Variants in AP5M1 observed in about 807,000 individuals in gnomAD.
The protein encoded by AP5M1 is AP-5 complex subunit mu-1.
In AP5M1, 44 loss-of-function variants were observed where a neutral mutation model predicts 52.3. The observed-to-expected ratio is 0.84, with a 90% CI of 0.66 to 1.08. The LOEUF is 1.08. Ranked by LOEUF, AP5M1 falls within the 50% of genes least tolerant of loss-of-function variation. The pLI is 0.00. For synonymous variants in AP5M1, 213 were observed against 199.0 expected, an observed-to-expected ratio of 1.07 and a Z score of -0.59; for missense variants, 526 against 568.4, an observed-to-expected ratio of 0.93 and a Z score of 0.76.
rs538144687 is a variant in AP5M1, at chr14:57,269,320, G to A, written c.6G>A (p.Ala2=). 3 of 1,614,094 alleles carry A rather than the reference G, an allele frequency of 1.9e-6. No homozygotes were observed. Among genetic ancestry groups the A allele is most frequent in the South Asian group, 2.2e-5 (2 of 91,086 alleles). M[A]QRAVWLISHE... is the part of the protein sequence containing the mutation. Reference sequence around the variant, plus strand: ...AATGCTTTACTGACTTAACCATGGCGCAGCGGGCAGTGTGGCTCATAAGCC... The same window carrying A: ...AATGCTTTACTGACTTAACCATGGCACAGCGGGCAGTGTGGCTCATAAGCC... The change falls in exon 1 of 8, where the codon GCG becomes GCA. Residue 2 remains alanine (A), a synonymous_variant. Transcript: ENST00000261558.
chr14:57,288,808 A>T lies in AP5M1; in HGVS notation c.1397A>T (p.Lys466Ile). 6.3e-7 allele frequency: 1 copy of T among 1,580,110 alleles called. No individual in the cohort carries two copies. Among genetic ancestry groups the T allele is most frequent in the Non-Finnish European group, 8.7e-7 (1 of 1,154,380 alleles). The change falls in exon 8 of 8, where the codon AAA becomes ATA. Residue 466 changes from lysine (K) to isoleucine (I), a missense_variant. Lys to Ile is a moderately radical substitution (Grantham distance 102, BLOSUM62 -3). Coordinates refer to ENST00000261558, the MANE Select transcript of AP5M1 (RefSeq NM_018229.4). ...TTCTTTTTCTTTTCTTTAGACCGGA[A>T]ACTAATTTCTTCTGATTATTACATC... ...SGKPKISAHRKLISSDYYIWN... is the reference protein window; with the variant it reads ...SGKPKISAHRILISSDYYIWN...
At chr14:57,283,356 G>A (rs1039841578) in intron 6 of AP5M1, 126 bp downstream of exon 6, 4 of 633,762 alleles carry the variant, frequency 6.3e-6, no homozygotes, top group African/African-American at 5.7e-5. Context: ...TCTGGGATAA[G>A]TTCTCTTTTG....
intron 1 of AP5M1, chr14:57,273,590 A>G (rs1594697563): frequency 1.8e-6 from 1 of 562,260 alleles, no homozygotes; most frequent in Non-Finnish European, 3.2e-6. Context: ...AACTGCTTAC[A>G]GTTCAACTCA....
At position 57,287,520 on chromosome 14, in the gene AP5M1, T is replaced by C. The variant is rs539962740; in HGVS notation, c.1390+1201T>C. On this transcript the variant is annotated intron_variant, in intron 7 of 7. Coordinates refer to ENST00000261558, the MANE Select transcript of AP5M1 (RefSeq NM_018229.4). ...ACAGACCAGTATTTTAGATTGTCTA[T>C]GGGAAAATAATTTATTTATGTTAAC... Among the ~76,000 whole-genome samples the C allele has an allele frequency of 1.2e-3, 187 of 152,252 alleles. 1 individual carries two copies. The highest frequency in any genetic ancestry group is 4.3e-3 in the African/African-American group (180 of 41,578).
At chr14:57,288,695 T>A in intron 7 of AP5M1, 107 bp from the exon 8 acceptor site, 1 of 680,910 alleles carries the variant, frequency 1.5e-6, no homozygotes, top group Non-Finnish European at 2.6e-6. Flanking sequence ...TATTTCAAAG[T>A]ATTGACTTGA....
rs1477250235 is a variant in AP5M1, at chr14:57,269,266, C to T, written c.-49C>T. The T allele has an allele frequency of 3.2e-6, 5 of 1,574,334 alleles. No individual in the cohort carries two copies. Among genetic ancestry groups the T allele is most frequent in the Non-Finnish European group, 4.4e-6 (5 of 1,145,702 alleles). On this transcript the variant is annotated 5_prime_UTR_variant, in exon 1 of 8. Transcript: ENST00000261558. The stretch of plus-strand genomic sequence containing the variant: ...GAGAAAGCCGGTCTGCGCTGTTCCT[C>T]GGTGGCGACCTTAATTATGAGATGA...
At chr14:57,269,476 C>A in intron 1 of AP5M1, 88 bp downstream of exon 1, 1 of 1,320,032 alleles carries the variant, frequency 7.6e-7, no homozygotes, top group Non-Finnish European at 1.1e-6. Flanking sequence ...CCCAGGTTTG[C>A]CACGAATAGC....
At position 57,272,845 on chromosome 14, in the gene AP5M1, G is replaced by T. The variant is rs1292908561; in HGVS notation, c.75-1399G>T. Among the ~76,000 whole-genome samples, 3 of 152,252 alleles carry T rather than the reference G, an allele frequency of 2.0e-5. No homozygotes were observed. In the East Asian group the frequency reaches 5.8e-4, roughly 29 times the overall value. ...ATCAAGAAAATGCATCAGAATGTAG[G>T]TGATATTTACCTACACATGGGTAAC... On this transcript the variant is annotated intron_variant, in intron 1 of 7. Coordinates refer to ENST00000261558, the MANE Select transcript of AP5M1 (RefSeq NM_018229.4).
Position 57,291,900 on chromosome 14 carries a change from C to T in AP5M1, c.*3016C>T, listed in dbSNP as rs924594034. On this transcript the variant is annotated 3_prime_UTR_variant, in exon 8 of 8. Transcript: ENST00000261558. The stretch of plus-strand genomic sequence containing the variant: ...TCCAGGCCTTCTGTAGGGACTGCTG[C>T]CACAACAGAGTGGTTGTTCCTAAGA... The T allele has an allele frequency of 6.6e-6, 1 of 151,640 alleles. No individual in the cohort carries two copies. The highest frequency in any genetic ancestry group is 1.5e-5 in the Non-Finnish European group (1 of 67,744). The allele number at this position is 151,640 out of a possible 1,614,324, so 9.4% of individuals were successfully genotyped here.
In AP5M1 at chr14:57,294,500, C is replaced by A. The variant is rs1045290382; in HGVS notation, c.*5616C>A. On this transcript the variant is annotated 3_prime_UTR_variant, in exon 8 of 8. Transcript: ENST00000261558. The stretch of plus-strand genomic sequence containing the variant: ...AACCCTGTGATTTTTCTCTTTCATA[C>A]ACATAGCCTGCTTACACCCAATTTC... 5 of 151,876 alleles carry A rather than the reference C, an allele frequency of 3.3e-5. No individual in the cohort carries two copies. Among genetic ancestry groups the A allele is most frequent in the African/African-American group, 1.2e-4 (5 of 41,402 alleles). 9.4% of individuals were successfully genotyped at this position (151,876 alleles called of 1,614,324 possible).
chr14:57,291,505 T>G lies in AP5M1; in HGVS notation c.*2621T>G, dbSNP rs908462684. The G allele has an allele frequency of 5.3e-5, 8 of 152,018 alleles. No individual in the cohort carries two copies. The South Asian group carries it at 1.0e-3, about 20-fold the overall frequency. 9.4% of individuals were successfully genotyped at this position (152,018 alleles called of 1,614,324 possible). A position where few individuals can be genotyped will look rare whatever the true frequency, so the allele number is the denominator to read the frequency against. On this transcript the variant is annotated 3_prime_UTR_variant, in exon 8 of 8. Coordinates refer to ENST00000261558, the MANE Select transcript of AP5M1 (RefSeq NM_018229.4). The stretch of plus-strand genomic sequence containing the variant: ...CTTTTTAGAGCCAGCAATATAGTAC[T>G]TAGGCAATACCCTTACGGTGGTGGC...
chr14:57,273,196 T>C (rs111526911), intron 1 of AP5M1, among the ~76,000 whole-genome samples: 2,288 of 152,258 alleles, frequency 0.015, 65 homozygotes, highest in African/African-American at 0.052. Context: ...CACCTCAGCT[T>C]TCTGAAGTGC....
rs899638622 is a variant in AP5M1, at chr14:57,290,540, T to C, written c.*1656T>C. The C allele has an allele frequency of 3.9e-5, 6 of 151,968 alleles. No individual in the cohort carries two copies. Among genetic ancestry groups the C allele is most frequent in the African/African-American group, 7.2e-5 (3 of 41,422 alleles). The allele number at this position is 151,968 out of a possible 1,614,324, so 9.4% of individuals were successfully genotyped here. Reference sequence around the variant, plus strand: ...CACTAAGGTAAGCAAGAGGCATTTATCTAGTGAGTAGGCAAAGATTTAATA... The same window carrying C: ...CACTAAGGTAAGCAAGAGGCATTTACCTAGTGAGTAGGCAAAGATTTAATA... On this transcript the variant is annotated 3_prime_UTR_variant, in exon 8 of 8. Transcript: ENST00000261558.
Position 57,296,336 on chromosome 14 carries a change from TCA to T in AP5M1, c.*7455_*7456del, listed in dbSNP as rs1025459475. The T allele has an allele frequency of 2.6e-5, 4 of 152,040 alleles. No homozygotes were observed. The highest frequency in any genetic ancestry group is 4.4e-5 in the Non-Finnish European group (3 of 67,962). 9.4% of individuals were successfully genotyped at this position (152,040 alleles called of 1,614,324 possible). Reference sequence around the variant, plus strand: ...CATTTCAACCTAAAAATGGTATCTATCACAGTTATCAAAGATTACCCCTTGCT... The same window carrying T: ...CATTTCAACCTAAAAATGGTATCTATCAGTTATCAAAGATTACCCCTTGCT... On this transcript the variant is annotated 3_prime_UTR_variant, in exon 8 of 8. Transcript: ENST00000261558.
At chr14:57,279,296 TA>T (rs1885116331) in intron 2 of AP5M1, among the ~76,000 whole-genome samples, 1 of 152,148 alleles carries the variant, frequency 6.6e-6, no homozygotes, top group Admixed American at 6.6e-5. Flanking sequence ...CTATCAGTGA[TA>T]GACTGAATAA....
rs183089608 is a variant in AP5M1, at chr14:57,281,907, C to T, written c.949-182C>T. ...GTACACCTTTGTAAAGCGCTTTTCT[C>T]ATCTCCGAAAACAAAGAGAGAAGAA... On this transcript the variant is annotated intron_variant, in intron 3 of 7. Transcript: ENST00000261558. Among the ~76,000 whole-genome samples, 143 of 152,310 alleles carry T rather than the reference C, an allele frequency of 9.4e-4. 1 individual carries two copies. Among genetic ancestry groups the T allele is most frequent in the African/African-American group, 3.2e-3 (135 of 41,572 alleles).
chr14:57,269,308 CTT>C lies in AP5M1; in HGVS notation c.-6_-5del. 1.2e-6 allele frequency: 2 copies of C among 1,614,060 alleles called. No homozygotes were observed. Among genetic ancestry groups the C allele is most frequent in the South Asian group, 1.1e-5 (1 of 91,078 alleles). On this transcript the variant is annotated 5_prime_UTR_variant, in exon 1 of 8. Transcript: ENST00000261558. Reference sequence around the variant, plus strand: ...ATGAGATGAGCTAATGCTTTACTGACTTAACCATGGCGCAGCGGGCAGTGTGG... The same window carrying C: ...ATGAGATGAGCTAATGCTTTACTGACAACCATGGCGCAGCGGGCAGTGTGG...
In AP5M1 at chr14:57,286,241, G is replaced by A. The variant is rs1885305382; in HGVS notation, c.1312G>A (p.Asp438Asn). 6.2e-7 allele frequency: 1 copy of A among 1,610,266 alleles called. No homozygotes were observed. The highest frequency in any genetic ancestry group is 1.3e-5 in the African/African-American group (1 of 74,852). ...TTTCTAGCTTCATTTTAGGATCTTA[G>A]ATTACACACTTACTGGATGTTATGC... is the stretch of plus-strand genomic sequence containing the variant. ...AYLKLHFRIL[D>N]YTLTGCYADQ... The change falls in exon 7 of 8, where the codon GAT (aspartate) becomes AAT (asparagine). Residue 438 changes from aspartate to asparagine, a missense_variant. Physicochemically the swap from Asp to Asn is conservative, Grantham distance 23. Around this residue, in one of 3 missense-constraint regions of AP5M1, gnomAD observed 97 missense variants for 121.3 expected, o/e 0.80. Transcript: ENST00000261558.
chr14:57,298,007 G>A lies in AP5M1; in HGVS notation c.*9123G>A, dbSNP rs1885587522. ...CTGATCTTCAGACACACTGTGTAGTGCCTTGGCTTAAACTGTCAGACTGGC... is the reference window on the plus strand; with the variant it reads ...CTGATCTTCAGACACACTGTGTAGTACCTTGGCTTAAACTGTCAGACTGGC... On this transcript the variant is annotated 3_prime_UTR_variant, in exon 8 of 8. Coordinates refer to ENST00000261558, the MANE Select transcript of AP5M1 (RefSeq NM_018229.4). 1 of 152,112 alleles carries A rather than the reference G, an allele frequency of 6.6e-6. No individual in the cohort carries two copies. The highest frequency in any genetic ancestry group is 6.6e-5 in the Admixed American group (1 of 15,246). The allele number at this position is 152,112 out of a possible 1,614,324, so 9.4% of individuals were successfully genotyped here.
Sources: allele counts gnomAD v4.1 joint callset (sites outside exome capture counted in the v4.1 genomes callset), GRCh38; gene constraint gnomAD v4.1.1; regional missense constraint gnomAD v4.1.1; transcripts MANE v1.5; gene names NCBI Gene and HGNC (gene_info 2026-07-23, HGNC 2026-07-21).